Variants in PCDH11X observed in about 807,000 individuals in gnomAD.
The protein encoded by PCDH11X is protocadherin-11 X-linked.
In PCDH11X, 18 loss-of-function variants were observed where a neutral mutation model predicts 53.3. The ratio of observed to expected loss-of-function variants is 0.34; its 90% CI spans 0.23 to 0.50. The LOEUF is 0.50. Ranked by LOEUF, PCDH11X falls within the 20% of genes least tolerant of loss-of-function variation. The pLI is 0.98. For synonymous variants in PCDH11X, 279 were observed against 393.3 expected (o/e 0.71, Z 3.44); for missense variants, 570 against 1,032.4 (o/e 0.55, Z 6.14).
intron 6 of PCDH11X, among the ~76,000 whole-genome samples, chrX:91,886,745 G>A (rs1210339770): frequency 1.8e-5 from 2 of 109,514 alleles, no homozygotes; most frequent in African/African-American, 6.7e-5. Context: ...GCCAAGGCGG[G>A]AGGATCACAA....
chrX:91,883,025 A>G, intron 6 of PCDH11X: 4 of 1,118,271 alleles, frequency 3.6e-6, no homozygotes, highest in Non-Finnish European at 4.8e-6. Flanking sequence ...TTAGGCTAAG[A>G]TCATTAATTT....
chrX:92,502,041 G>T (rs1398027865), intron 10 of PCDH11X, among the ~76,000 whole-genome samples: 12 of 110,878 alleles, frequency 1.1e-4, no homozygotes, highest in African/African-American at 3.6e-4. Context: ...TAAAATCAAT[G>T]TGCAAAAATC....
chrX:92,041,770 G>C, intron 6 of PCDH11X, among the ~76,000 whole-genome samples: 1 of 111,588 alleles, frequency 9.0e-6, no homozygotes. Flanking sequence ...AGGAGTTCGA[G>C]AGCAGCCTGA....
chrX:92,460,096 G>A, intron 9 of PCDH11X: 1 of 1,061,204 alleles, frequency 9.4e-7, no homozygotes, highest in Non-Finnish European at 1.3e-6. Context: ...CGCAAATACT[G>A]TGGACAATGC....
chrX:92,611,782 C>T (rs1235502085), intron 10 of PCDH11X, among the ~76,000 whole-genome samples: 1 of 104,071 alleles, frequency 9.6e-6, no homozygotes, highest in Non-Finnish European at 2.0e-5. Context: ...AAGTTTTTAT[C>T]ATGAAGAGAT....
chrX:92,112,304 A>G (rs189928376), intron 6 of PCDH11X, among the ~76,000 whole-genome samples: 1 of 102,032 alleles, frequency 9.8e-6, no homozygotes, highest in Admixed American at 1.1e-4. Context: ...CTTGGCAAAC[A>G]GTATCTGGGA....
At chrX:92,367,143 T>C (rs753913525) in intron 8 of PCDH11X, among the ~76,000 whole-genome samples, 1 of 110,211 alleles carries the variant, frequency 9.1e-6, no homozygotes, top group Admixed American at 9.7e-5. Flanking sequence ...TCTTTCTAAG[T>C]CTCTAAGAAC....
intron 9 of PCDH11X, among the ~76,000 whole-genome samples, chrX:92,456,771 T>C (rs1365779054): frequency 9.0e-6 from 1 of 111,483 alleles, no homozygotes; most frequent in Non-Finnish European, 1.9e-5. Context: ...GTATTTTCGC[T>C]TCCTCTTCAT....
At chrX:92,207,487 C>A (rs1184340527) in intron 7 of PCDH11X, among the ~76,000 whole-genome samples, 2 of 111,477 alleles carry the variant, frequency 1.8e-5, no homozygotes, top group Non-Finnish European at 3.8e-5. Flanking sequence ...CTTATTGGTG[C>A]TTTTTCATGC....
chrX:92,124,807 T>A (rs1215610757), intron 6 of PCDH11X, among the ~76,000 whole-genome samples: 3 of 110,648 alleles, frequency 2.7e-5, no homozygotes, highest in Non-Finnish European at 5.6e-5. Context: ...CTGCTGAACA[T>A]TTCTGTCCCT....
At chrX:91,884,665 A>G (rs1429544152) in intron 6 of PCDH11X, among the ~76,000 whole-genome samples, 4 of 110,101 alleles carry the variant, frequency 3.6e-5, no homozygotes, top group Non-Finnish European at 7.5e-5. Flanking sequence ...AAAGAATGAC[A>G]TGTTCCAATT....
intron 8 of PCDH11X, among the ~76,000 whole-genome samples, chrX:92,294,042 G>T (rs59535959): frequency 0.012 from 1,346 of 111,122 alleles, 20 homozygotes; most frequent in East Asian, 0.11. Context: ...TGGGTGTAGA[G>T]AAAGACTACC....
At chrX:92,170,393 A>C (rs1002870643) in intron 6 of PCDH11X, among the ~76,000 whole-genome samples, 1 of 111,224 alleles carries the variant, frequency 9.0e-6, no homozygotes, top group Non-Finnish European at 1.9e-5. Flanking sequence ...TGAAGAACAG[A>C]AAGCTTAAGA....
At chrX:91,817,767 G>T (rs999407146) in intron 4 of PCDH11X, among the ~76,000 whole-genome samples, 2 of 111,240 alleles carry the variant, frequency 1.8e-5, no homozygotes, top group African/African-American at 3.3e-5. Context: ...ATGGAAAAGA[G>T]AGTTCTTTTT....
chrX:91,896,081 ATT>A (rs1283299006), intron 6 of PCDH11X, among the ~76,000 whole-genome samples: 1 of 106,829 alleles, frequency 9.4e-6, no homozygotes, highest in Non-Finnish European at 1.9e-5. Context: ...ATAGGAACAA[ATT>A]TTTGTTTTGG....
At chrX:92,138,575 A>AGAG (rs2065122322) in intron 6 of PCDH11X, among the ~76,000 whole-genome samples, 1 of 111,129 alleles carries the variant, frequency 9.0e-6, no homozygotes, top group African/African-American at 3.3e-5. Context: ...ATATAATATC[A>AGAG]AATATAATAT....
At chrX:92,144,817 G>A (rs1332608198) in intron 6 of PCDH11X, among the ~76,000 whole-genome samples, 1 of 110,722 alleles carries the variant, frequency 9.0e-6, no homozygotes, top group Admixed American at 9.7e-5. Context: ...AGAAATTTAT[G>A]CATTGTTAAT....
chrX:91,961,566 C>A (rs1252862581), intron 6 of PCDH11X, among the ~76,000 whole-genome samples: 1 of 108,060 alleles, frequency 9.3e-6, no homozygotes, highest in African/African-American at 3.4e-5. Context: ...AAAACTCTGC[C>A]AAAAAAAAAT....
At chrX:92,049,681 T>C (rs2063339096) in intron 6 of PCDH11X, among the ~76,000 whole-genome samples, 1 of 111,960 alleles carries the variant, frequency 8.9e-6, no homozygotes, top group South Asian at 3.7e-4. Context: ...CTAAGGTAAT[T>C]CTCCCTTGTC....
Sources: gnomAD v4.1 joint callset for allele counts (sites outside exome capture counted in the v4.1 genomes callset) on GRCh38, gnomAD v4.1.1 for gene constraint, MANE v1.5 for transcripts, NCBI Gene and HGNC (gene_info 2026-07-23, HGNC 2026-07-21) for gene names.